ENTREP2: variants seen among roughly 807,000 people sequenced by gnomAD.
The protein encoded by ENTREP2 is endosomal transmembrane epsin interactor 2.
chr15:29,184,715 C>T, the ENTREP2 span, among the ~76,000 whole-genome samples: 1 of 152,134 alleles, frequency 6.6e-6, no homozygotes, highest in African/African-American at 2.4e-5. Flanking sequence ...AGCCCGGGAC[C>T]AGCGCAAAAT....
chr15:29,281,966 A>G, the ENTREP2 span, among the ~76,000 whole-genome samples: 2 of 152,226 alleles, frequency 1.3e-5, no homozygotes, highest in African/African-American at 4.8e-5. Flanking sequence ...AGGCAAAGAG[A>G]TATTTCAATG....
chr15:29,445,888 A>G, the ENTREP2 span, among the ~76,000 whole-genome samples: 1 of 152,218 alleles, frequency 6.6e-6, no homozygotes, highest in African/African-American at 2.4e-5. Context: ...CCAGGCAGAC[A>G]GTGTCAGGAC....
chr15:29,514,142 A>T, the ENTREP2 span, among the ~76,000 whole-genome samples: 1 of 152,182 alleles, frequency 6.6e-6, no homozygotes, highest in African/African-American at 2.4e-5. Context: ...CTATAGTGTT[A>T]ACTACATGTA....
At chr15:29,362,480 T>A in the ENTREP2 span, among the ~76,000 whole-genome samples, 1 of 149,560 alleles carries the variant, frequency 6.7e-6, no homozygotes, top group Non-Finnish European at 1.5e-5. Flanking sequence ...GTTCAAGAGA[T>A]TCTCCTGCCT....
chr15:29,282,745 C>T, the ENTREP2 span, among the ~76,000 whole-genome samples: 1,168 of 152,282 alleles, frequency 7.7e-3, 14 homozygotes, highest in African/African-American at 0.027. Context: ...AGTTTTAACC[C>T]GAGGCTGTAG....
chr15:29,584,464 T>C, the ENTREP2 span, among the ~76,000 whole-genome samples: 69 of 152,222 alleles, frequency 4.5e-4, no homozygotes, highest in East Asian at 0.012. Context: ...TGTGTGTGTA[T>C]GAAATGGAAT....
At chr15:29,563,884 A>G in the ENTREP2 span, among the ~76,000 whole-genome samples, 4 of 150,482 alleles carry the variant, frequency 2.7e-5, no homozygotes, top group Admixed American at 6.6e-5. Context: ...AAAGTTTCTG[A>G]TTCATACTAC....
At chr15:29,633,203 A>G in the ENTREP2 span, among the ~76,000 whole-genome samples, 3 of 152,184 alleles carry the variant, frequency 2.0e-5, no homozygotes, top group Non-Finnish European at 2.9e-5. Context: ...ACCAACTGTC[A>G]GCCTTCTCCA....
chr15:29,492,031 C>T, the ENTREP2 span, among the ~76,000 whole-genome samples: 3 of 151,852 alleles, frequency 2.0e-5, no homozygotes, highest in Non-Finnish European at 4.4e-5. Context: ...CAAAGCCATA[C>T]GATTCACTGC....
At chr15:29,473,796 C>A in the ENTREP2 span, among the ~76,000 whole-genome samples, 11 of 152,206 alleles carry the variant, frequency 7.2e-5, no homozygotes, top group African/African-American at 2.7e-4. Flanking sequence ...ACCTCAGGGC[C>A]CCGGCCGCAG....
chr15:29,492,563 T>C, the ENTREP2 span, among the ~76,000 whole-genome samples: 10 of 152,166 alleles, frequency 6.6e-5, no homozygotes, highest in African/African-American at 1.4e-4. Context: ...AATAGGAAGG[T>C]TGCTAAATTC....
chr15:29,600,899 TTTC>T, the ENTREP2 span, among the ~76,000 whole-genome samples: 1 of 84,156 alleles, frequency 1.2e-5, no homozygotes, highest in East Asian at 2.4e-4. Flanking sequence ...ATGATTTTTC[TTTC>T]TTTTTTTTTT....
At chr15:29,278,882 C>T in the ENTREP2 span, among the ~76,000 whole-genome samples, 1 of 152,206 alleles carries the variant, frequency 6.6e-6, no homozygotes, top group East Asian at 1.9e-4. Flanking sequence ...TGATTCCTCA[C>T]AGTTCTGGAG....
chr15:29,237,159 C>T, the ENTREP2 span, among the ~76,000 whole-genome samples: 3 of 152,134 alleles, frequency 2.0e-5, no homozygotes, highest in Non-Finnish European at 2.9e-5. Flanking sequence ...AAGCTTTTGA[C>T]AAAATGAAAT....
chr15:29,562,127 T>C, the ENTREP2 span, among the ~76,000 whole-genome samples: 1 of 152,230 alleles, frequency 6.6e-6, no homozygotes, highest in African/African-American at 2.4e-5. Context: ...ATGCAAGGCC[T>C]GTGCCCTTCA....
At chr15:29,293,030 T>C in the ENTREP2 span, among the ~76,000 whole-genome samples, 5 of 152,228 alleles carry the variant, frequency 3.3e-5, no homozygotes, top group African/African-American at 1.2e-4. Flanking sequence ...TGAGTGGCCA[T>C]GTGTCAAAGA....
chr15:29,580,738 C>T, the ENTREP2 span, among the ~76,000 whole-genome samples: 16 of 152,150 alleles, frequency 1.1e-4, 1 homozygote, highest in African/African-American at 2.9e-4. Flanking sequence ...CAGCATAAGG[C>T]AAAGAGGTTA....
the ENTREP2 span, among the ~76,000 whole-genome samples, chr15:29,515,333 C>T: frequency 1.3e-5 from 2 of 152,062 alleles, no homozygotes; most frequent in African/African-American, 4.8e-5. Context: ...ATCCAAAGGT[C>T]GGGGGGATGA....
the ENTREP2 span, chr15:29,128,641 C>G: frequency 8.4e-6 from 6 of 712,208 alleles, no homozygotes; most frequent in East Asian, 1.3e-4. Context: ...GGAAAGACTG[C>G]TGCAAACTCC....
Sources: gnomAD v4.1 joint callset for allele counts (sites outside exome capture counted in the v4.1 genomes callset) on GRCh38, gnomAD v4.1.1 for gene constraint, MANE v1.5 for transcripts, NCBI Gene and HGNC (gene_info 2026-07-23, HGNC 2026-07-21) for gene names.